The following KIT variants were observed in gnomAD, a reference collection of about 807,000 sequenced individuals.
The protein encoded by KIT is mast/stem cell growth factor receptor Kit.
A neutral mutation model predicts 105.7 loss-of-function variants in KIT; 16 were observed. That is an observed-to-expected ratio of 0.15 (90% CI 0.10 to 0.23). The LOEUF is 0.23. Ranked by LOEUF, KIT falls within the 10% of genes least tolerant of loss-of-function variation. The pLI is 1.00. For missense variants in KIT, 858 were observed against 1,213.8 expected, an observed-to-expected ratio of 0.71 and a Z score of 4.36; for synonymous variants, 438 against 441.1, an observed-to-expected ratio of 0.99 and a Z score of 0.09.
At chr4:54,722,111 G>A (rs780264831) in intron 7 of KIT, among the ~76,000 whole-genome samples, 59 of 151,936 alleles carry the variant, frequency 3.9e-4, no homozygotes, top group Middle Eastern at 3.2e-3. Flanking sequence ...TCAGCCTACC[G>A]AGTAGCTGGG....
chr4:54,702,613 CCT>C (rs1560398801), intron 4 of KIT, among the ~76,000 whole-genome samples: 1 of 152,010 alleles, frequency 6.6e-6, no homozygotes, highest in African/African-American at 2.4e-5. Flanking sequence ...TAGGTAAACA[CCT>C]CTCTTATAGT....
intron 1 of KIT, among the ~76,000 whole-genome samples, chr4:54,671,488 C>G (rs1718107340): frequency 6.6e-6 from 1 of 152,136 alleles, no homozygotes; most frequent in African/African-American, 2.4e-5. Flanking sequence ...AGCATTAGGT[C>G]TATAGGTGGC....
chr4:54,737,109 T>G, intron 19 of KIT, 66 bp from the exon 20 acceptor site: 1 of 1,003,226 alleles, frequency 1.0e-6, no homozygotes, highest in Non-Finnish European at 1.6e-6. Flanking sequence ...AGTTGCTGGA[T>G]GCCCATACAT....
At chr4:54,676,522 G>A (rs914593276) in intron 1 of KIT, among the ~76,000 whole-genome samples, 1 of 152,186 alleles carries the variant, frequency 6.6e-6, no homozygotes, top group African/African-American at 2.4e-5. Flanking sequence ...GGTTAGTCCA[G>A]ACAGGAAAAC....
At chr4:54,737,309 C>A in intron 20 of KIT, 29 bp downstream of exon 20, 3 of 1,404,130 alleles carry the variant, frequency 2.1e-6, no homozygotes, top group Middle Eastern at 1.8e-4. Flanking sequence ...GGCATAGAAT[C>A]CCCCTTCTCC....
At chr4:54,726,585 A>G (rs764529508) in intron 9 of KIT, among the ~76,000 whole-genome samples, 7 of 152,214 alleles carry the variant, frequency 4.6e-5, no homozygotes, top group Non-Finnish European at 7.3e-5. Flanking sequence ...GAATTGGTAC[A>G]AAGTGGGAAG....
chr4:54,734,114 TA>T (rs1722774901), intron 17 of KIT, among the ~76,000 whole-genome samples: 1 of 152,210 alleles, frequency 6.6e-6, no homozygotes, highest in African/African-American at 2.4e-5. Context: ...GCCCTGAAGC[TA>T]GATATTATCA....
chr4:54,739,671 C>T lies in KIT; in HGVS notation c.*1114C>T, dbSNP rs1380156705. The T allele has an allele frequency of 8.6e-6, 2 of 233,374 alleles. No individual in the cohort carries two copies. Among genetic ancestry groups the T allele is most frequent in the Non-Finnish European group, 8.5e-6 (1 of 117,910 alleles). 14.5% of individuals were successfully genotyped at this position (233,374 alleles called of 1,614,324 possible). ...GCCAGTATCTATATATGTGTATGTA[C>T]GTTTGTATGTGTGTAGACAAATATT... On this transcript the variant is annotated 3_prime_UTR_variant, in exon 21 of 21. Coordinates refer to ENST00000288135, the MANE Select transcript of KIT (RefSeq NM_000222.3).
intron 1 of KIT, among the ~76,000 whole-genome samples, chr4:54,682,090 CTT>C (rs375084454): frequency 1.8e-4 from 23 of 128,956 alleles, no homozygotes; most frequent in Admixed American, 1.5e-4. Context: ...ACTGAATTTT[CTT>C]TTTTTTTTTT....
At chr4:54,687,479 C>G (rs1719399476) in intron 1 of KIT, among the ~76,000 whole-genome samples, 1 of 152,128 alleles carries the variant, frequency 6.6e-6, no homozygotes, top group African/African-American at 2.4e-5. Context: ...ATCAAACATC[C>G]TCAATGAAAA....
At chr4:54,727,788 C>T (rs781025990) in intron 11 of KIT, 35 bp from the exon 12 acceptor site, 3 of 1,534,908 alleles carry the variant, frequency 2.0e-6, no homozygotes, top group South Asian at 1.1e-5. Context: ...CCACCAGCAC[C>T]ATCACCACTT....
chr4:54,704,397 T>C (rs1206828831), intron 5 of KIT, among the ~76,000 whole-genome samples: 4 of 151,846 alleles, frequency 2.6e-5, no homozygotes, highest in Non-Finnish European at 5.9e-5. Flanking sequence ...TTATCTCACC[T>C]GTTCTCTAAG....
Position 54,679,357 on chromosome 4 carries a change from A to G in KIT, c.68-16155A>G, listed in dbSNP as rs117320466. On this transcript the variant is annotated intron_variant, in intron 1 of 20. Coordinates refer to ENST00000288135, the MANE Select transcript of KIT (RefSeq NM_000222.3). ...GTTCTGCTGCTGGTAATTGAAGTCTATCTGCAGAACAGTTATCAAGGGCAG... is the reference window on the plus strand; with the variant it reads ...GTTCTGCTGCTGGTAATTGAAGTCTGTCTGCAGAACAGTTATCAAGGGCAG... 8.1e-4 allele frequency among the ~76,000 whole-genome samples: 124 copies of G among 152,320 alleles called. No individual in the cohort carries two copies. In the East Asian group the frequency reaches 0.015, roughly 19 times the overall value.
chr4:54,733,535 T>TG, intron 17 of KIT: 1 of 293,106 alleles, frequency 3.4e-6, no homozygotes, highest in South Asian at 3.4e-5. Context: ...GGAGAAATTT[T>TG]GGGGGGATTG....
Position 54,731,853 on chromosome 4 carries a change from A to C in KIT, c.2234-18A>C, listed in dbSNP as rs999231570. The C allele has an allele frequency of 6.2e-7, 1 of 1,612,858 alleles. No homozygotes were observed. Among genetic ancestry groups the C allele is most frequent in the Admixed American group, 1.7e-5 (1 of 59,958 alleles). ...TTTATGGTTGTAATTGCTAAGAAAA[A>C]TCCTCTCTTCCTCACAGGCTCATAC... On this transcript the variant is annotated intron_variant, in intron 15 of 20. Transcript: ENST00000288135.
At chr4:54,727,145 T>G in intron 9 of KIT, 73 bp from the exon 10 acceptor site, 2 of 1,293,962 alleles carry the variant, frequency 1.5e-6, no homozygotes, top group South Asian at 2.4e-5. Context: ...TGGGGTCAGT[T>G]TGGGACTGAG....
At position 54,680,793 on chromosome 4, in the gene KIT, G is replaced by C. The variant is rs146875808; in HGVS notation, c.68-14719G>C. 2.0e-3 allele frequency among the ~76,000 whole-genome samples: 311 copies of C among 152,248 alleles called. 2 individuals carry two copies. The highest frequency in any genetic ancestry group is 7.0e-3 in the African/African-American group (292 of 41,556). ...CTGATAGGAGGAAATTTGGTGATTA[G>C]TGAATATTGGAGCGCCTAGCTCACA... On this transcript the variant is annotated intron_variant, in intron 1 of 20. Transcript: ENST00000288135.
intron 1 of KIT, among the ~76,000 whole-genome samples, chr4:54,669,682 G>C (rs1717968168): frequency 6.9e-6 from 1 of 144,040 alleles, no homozygotes; most frequent in East Asian, 2.0e-4. Flanking sequence ...CCAGGAGAGA[G>C]AAAAGTCCAG....
intron 7 of KIT, among the ~76,000 whole-genome samples, chr4:54,721,646 ACTCCAGGGAGGTGC>A (rs542181936): frequency 5.3e-5 from 8 of 152,162 alleles, no homozygotes; most frequent in African/African-American, 9.6e-5. Flanking sequence ...ATCTCCGCCA[ACTCCAGGGAGGTGC>A]CTCCAGGGAG....
Sources: allele counts gnomAD v4.1 joint callset (sites outside exome capture counted in the v4.1 genomes callset), GRCh38; gene constraint gnomAD v4.1.1; transcripts MANE v1.5; gene names NCBI Gene and HGNC (gene_info 2026-07-23, HGNC 2026-07-21).